UCN3: variants seen among roughly 807,000 people sequenced by gnomAD.
The protein encoded by UCN3 is urocortin 3, also known as urocortin-3.
UCN3 carries 3 observed loss-of-function variants against 3.6 expected under a neutral mutation model. The ratio of observed to expected loss-of-function variants is 0.83; its 90% CI spans 0.38 to 2.15. The LOEUF (loss-of-function observed/expected upper bound fraction) is 2.15. Ranked by LOEUF, UCN3 falls within the 30% of genes most tolerant of loss-of-function variation. UCN3 has a pLI of 0.06. For synonymous variants in UCN3, 100 were observed against 93.2 expected (o/e 1.07, Z -0.42); for missense variants, 206 against 208.3 (o/e 0.99, Z 0.07).
intron 1 of UCN3, among the ~76,000 whole-genome samples, chr10:5,369,996 T>C (rs1831328029): frequency 1.0e-5 from 1 of 99,844 alleles, no homozygotes; most frequent in African/African-American, 3.9e-5. Context: ...TATGTGTGTA[T>C]GTGTGTGTGT....
intron 1 of UCN3, among the ~76,000 whole-genome samples, chr10:5,370,133 G>A (rs797037648): frequency 3.6e-4 from 24 of 66,350 alleles, no homozygotes; most frequent in African/African-American, 7.6e-4. Context: ...GTGTGTGTAT[G>A]TGTGTGTATG....
chr10:5,370,028 T>A (rs1554811079), intron 1 of UCN3, among the ~76,000 whole-genome samples: 1 of 132,400 alleles, frequency 7.6e-6, no homozygotes, highest in South Asian at 2.5e-4. Context: ...TATGTGTGTG[T>A]ATATGCGTGT....
chr10:5,365,456 A>T lies in UCN3; in HGVS notation c.-7+226A>T, dbSNP rs1554810651. Among the ~76,000 whole-genome samples, 2 of 152,188 alleles carry T rather than the reference A, an allele frequency of 1.3e-5. No individual in the cohort carries two copies. The highest frequency in any genetic ancestry group is 4.8e-5 in the African/African-American group (2 of 41,450). ...GGCACAATCACATTCCCACGTTGGT[A>T]TAGAGAGACCCTCTTTCCAAAGGTG... On this transcript the variant is annotated intron_variant, in intron 1 of 1. Coordinates refer to ENST00000380433, the MANE Select transcript of UCN3 (RefSeq NM_053049.4). This position sits in a 1 kb window ranked among gnomAD's most constrained non-coding sequence, Gnocchi z 4.4.
Position 5,374,217 on chromosome 10 carries a change from T to A in UCN3, c.*11T>A, listed in dbSNP as rs200574619. On this transcript the variant is annotated 3_prime_UTR_variant, in exon 2 of 2. Coordinates refer to ENST00000380433, the MANE Select transcript of UCN3 (RefSeq NM_053049.4). ...GGGAGGAAGAAGTAGAGGCGGAGGCTGGACGGGAGGGCAGCGGGGTGGGGA... is the reference window on the plus strand; with the variant it reads ...GGGAGGAAGAAGTAGAGGCGGAGGCAGGACGGGAGGGCAGCGGGGTGGGGA... 4,891 of 1,109,502 alleles carry A rather than the reference T, an allele frequency of 4.4e-3. 14 individuals are homozygous for A. Among genetic ancestry groups the A allele is most frequent in the Non-Finnish European group, 5.1e-3 (4,554 of 890,644 alleles). The allele number at this position is 1,109,502 out of a possible 1,614,324, so 68.7% of individuals were successfully genotyped here.
At position 5,370,137 on chromosome 10, in the gene UCN3, G is replaced by A. The variant is rs1228535179; in HGVS notation, c.-6-3578G>A. On this transcript the variant is annotated intron_variant, in intron 1 of 1. Transcript: ENST00000380433. ...TGTGTGTGTATGTGTGTGTATGTGT[G>A]TGTATGCGTGTGTATATGTGTGTGT... 7.2e-3 allele frequency among the ~76,000 whole-genome samples: 625 copies of A among 86,508 alleles called. 60 individuals are homozygous for A. Among genetic ancestry groups the A allele is most frequent in the African/African-American group, 0.014 (227 of 15,752 alleles). The allele number at this position is 86,508 out of a possible 152,430, so 56.8% of individuals were successfully genotyped here.
At chr10:5,369,213 G>T (rs996820251) in intron 1 of UCN3, among the ~76,000 whole-genome samples, 1 of 152,188 alleles carries the variant, frequency 6.6e-6, no homozygotes, top group Admixed American at 6.5e-5. Flanking sequence ...TGCTCTGCAG[G>T]ATCAAATGCT....
Position 5,367,406 on chromosome 10 carries a change from A to C in UCN3, c.-7+2176A>C, listed in dbSNP as rs1834127669. Among the ~76,000 whole-genome samples the C allele has an allele frequency of 6.6e-6, 1 of 152,226 alleles. No homozygotes were observed. Among genetic ancestry groups the C allele is most frequent in the African/African-American group, 2.4e-5 (1 of 41,456 alleles). ...AATGTACATCCATGAAAGAATTTAA[A>C]AGAGGTTGTTTTGCTTTGGAAAATA... is the stretch of plus-strand genomic sequence containing the variant. On this transcript the variant is annotated intron_variant, in intron 1 of 1. Transcript: ENST00000380433. The surrounding 1 kb of genome is among the most constrained non-coding windows in gnomAD (Gnocchi z 4.3).
At position 5,366,847 on chromosome 10, in the gene UCN3, T is replaced by C. The variant is rs763189804; in HGVS notation, c.-7+1617T>C. Among the ~76,000 whole-genome samples, 1 of 152,092 alleles carries C rather than the reference T, an allele frequency of 6.6e-6. No homozygotes were observed. Among genetic ancestry groups the C allele is most frequent in the Non-Finnish European group, 1.5e-5 (1 of 68,024 alleles). Reference sequence around the variant, plus strand: ...ACCGTGTGCAGGCTAGAGCTGAGGGTTTGCAGAGAGAGAAAGGTCTGCTAC... The same window carrying C: ...ACCGTGTGCAGGCTAGAGCTGAGGGCTTGCAGAGAGAGAAAGGTCTGCTAC... On this transcript the variant is annotated intron_variant, in intron 1 of 1. Coordinates refer to ENST00000380433, the MANE Select transcript of UCN3 (RefSeq NM_053049.4). This position sits in a 1 kb window ranked among gnomAD's most constrained non-coding sequence, Gnocchi z 4.2.
At chr10:5,369,692 A>G (rs1319895479) in intron 1 of UCN3, among the ~76,000 whole-genome samples, 1 of 152,268 alleles carries the variant, frequency 6.6e-6, no homozygotes, top group Non-Finnish European at 1.5e-5. Flanking sequence ...TAGTGCATAA[A>G]ATAAGCTCTC....
Position 5,373,946 on chromosome 10 carries a change from A to G in UCN3, c.226A>G (p.Lys76Glu). 1 of 1,611,504 alleles carries G rather than the reference A, an allele frequency of 6.2e-7. No individual in the cohort carries two copies. The highest frequency in any genetic ancestry group is 1.1e-5 in the South Asian group (1 of 90,646). ...CTCTTCGGGAGAGGAGGAGGAGGGCAAAGAGAAAAAGACTTTCCCCATCTC... is the reference window on the plus strand; with the variant it reads ...CTCTTCGGGAGAGGAGGAGGAGGGCGAAGAGAAAAAGACTTTCCCCATCTC... ...DASSGEEEEG[K>E]EKKTFPISGA... Residue 76 changes from lysine to glutamate, a missense_variant, in exon 2 of 2, where the codon AAA becomes GAA. Lys to Glu is a moderately conservative substitution (Grantham distance 56). Coordinates refer to ENST00000380433, the MANE Select transcript of UCN3 (RefSeq NM_053049.4).
chr10:5,367,715 G>A lies in UCN3; in HGVS notation c.-7+2485G>A, dbSNP rs540813300. Among the ~76,000 whole-genome samples the A allele has an allele frequency of 6.6e-6, 1 of 152,356 alleles. No individual in the cohort carries two copies. Among genetic ancestry groups the A allele is most frequent in the East Asian group, 1.9e-4 (1 of 5,186 alleles). Reference sequence around the variant, plus strand: ...TTTACACTAAAGGGCCAGTCCGTGTGAGCAGAGCCCCAAGATGGGCTTGAA... The same window carrying A: ...TTTACACTAAAGGGCCAGTCCGTGTAAGCAGAGCCCCAAGATGGGCTTGAA... On this transcript the variant is annotated intron_variant, in intron 1 of 1. Transcript: ENST00000380433. The surrounding 1 kb of genome is among the most constrained non-coding windows in gnomAD (Gnocchi z 4.3).
At chr10:5,370,693 G>T (rs1213000103) in intron 1 of UCN3, among the ~76,000 whole-genome samples, 1 of 106,082 alleles carries the variant, frequency 9.4e-6, no homozygotes, top group Non-Finnish European at 1.9e-5. Flanking sequence ...GTGTATGTGT[G>T]TATATGTGTG....
chr10:5,370,113 GTGTGTGTATGTGTGTGTATGTGTGTGTA>G, intron 1 of UCN3, among the ~76,000 whole-genome samples: 3 of 81,278 alleles, frequency 3.7e-5, no homozygotes, highest in African/African-American at 7.9e-5. Flanking sequence ...GTGTGTATAT[GTGTGTGTATGTGTGTGTATGTGTGTGTA>G]TGCGTGTGTA....
intron 1 of UCN3, among the ~76,000 whole-genome samples, chr10:5,373,048 G>A (rs782491395): frequency 4.6e-5 from 7 of 152,094 alleles, no homozygotes; most frequent in African/African-American, 7.2e-5. Context: ...GTTGGAGGAC[G>A]TTGGTGCTCC....
At chr10:5,370,982 G>A (rs990762748) in intron 1 of UCN3, among the ~76,000 whole-genome samples, 1 of 151,098 alleles carries the variant, frequency 6.6e-6, no homozygotes, top group South Asian at 2.1e-4. Flanking sequence ...GTATGTACAT[G>A]TGAGGTATGT....
rs782342183 is a variant in UCN3 at position 5,374,177 on chromosome 10, C to T, written c.457C>T (p.Leu153=). Residue 153 remains leucine (L), a synonymous_variant, in exon 2 of 2, where the codon CTG becomes TTG. Transcript: ENST00000380433. ...TGCCCAGGCGGCCGCCAATGCCCAC[C>T]TGATGGCGCAAATTGGGAGGAAGAA... ...LRAQAAANAH[L]MAQIGRKK is the part of the protein sequence containing the mutation. 1 of 1,608,634 alleles carries T rather than the reference C, an allele frequency of 6.2e-7. No homozygotes were observed. The highest frequency in any genetic ancestry group is 1.7e-5 in the Admixed American group (1 of 59,654).
Position 5,374,478 on chromosome 10 carries a change from T to C in UCN3, c.*272T>C. On this transcript the variant is annotated 3_prime_UTR_variant, in exon 2 of 2. Transcript: ENST00000380433. ...CTAACGTTCCTCCCTGTACTCAGCG[T>C]CTCCTTCCTCCCTCCCCACAGCAAG... is the stretch of plus-strand genomic sequence containing the variant. 1 of 375,502 alleles carries C rather than the reference T, an allele frequency of 2.7e-6. No homozygotes were observed. Among genetic ancestry groups the C allele is most frequent in the Non-Finnish European group, 4.9e-6 (1 of 203,306 alleles). 23.3% of individuals were successfully genotyped at this position (375,502 alleles called of 1,614,324 possible). A position where few individuals can be genotyped will look rare whatever the true frequency, so the allele number is the denominator to read the frequency against.
intron 1 of UCN3, among the ~76,000 whole-genome samples, chr10:5,368,783 G>A (rs534294802): frequency 1.2e-4 from 19 of 152,312 alleles, no homozygotes; most frequent in Admixed American, 7.2e-4. Flanking sequence ...CTCTGTAAAT[G>A]AGAAAGCTGA....
At position 5,374,150 on chromosome 10, in the gene UCN3, C is replaced by A; in HGVS notation, c.430C>A (p.Arg144Ser). The change falls in exon 2 of 2, where the codon CGT becomes AGT. Residue 144 changes from arginine (R) to serine (S), a missense_variant. Transcript: ENST00000380433. Reference sequence around the variant, plus strand: ...CAACATCGCCAAGGCCAAGAACCTGCGTGCCCAGGCGGCCGCCAATGCCCA... The same window carrying A: ...CAACATCGCCAAGGCCAAGAACCTGAGTGCCCAGGCGGCCGCCAATGCCCA... ...LFNIAKAKNL[R>S]AQAAANAHLM... The A allele has an allele frequency of 5.0e-6, 8 of 1,612,570 alleles. No individual in the cohort carries two copies. The highest frequency in any genetic ancestry group is 6.8e-6 in the Non-Finnish European group (8 of 1,179,686).
Sources: allele counts gnomAD v4.1 joint callset (sites outside exome capture counted in the v4.1 genomes callset), GRCh38; gene constraint gnomAD v4.1.1; non-coding constraint Gnocchi (gnomAD v3.1); transcripts MANE v1.5; gene names NCBI Gene and HGNC (gene_info 2026-07-23, HGNC 2026-07-21).